Variants in LGSN observed in about 807,000 individuals in gnomAD.
LGSN encodes the protein lengsin, lens protein with glutamine synthetase domain.
In LGSN, 21 loss-of-function variants were observed where a neutral mutation model predicts 19.5. The observed-to-expected ratio is 1.07, with a 90% CI of 0.76 to 1.55. The LOEUF is 1.55. Among genes scored for constraint, LGSN ranks in the 40% most tolerant of loss-of-function variants. The pLI is 0.00. For synonymous variants in LGSN, 257 were observed against 215.6 expected (o/e 1.19, Z -1.68); for missense variants, 673 against 608.5 (o/e 1.11, Z -1.12).
At chr6:63,322,246 T>C (rs1267501010), upstream of LGSN, among the ~76,000 whole-genome samples, 1 of 152,210 alleles carries the variant, frequency 6.6e-6, no homozygotes, top group African/African-American at 2.4e-5. Flanking sequence ...TGTTTACATA[T>C]ATTATATGTT....
the LGSN span, among the ~76,000 whole-genome samples, chr6:63,476,412 G>A: frequency 6.6e-6 from 1 of 152,322 alleles, no homozygotes; most frequent in Middle Eastern, 3.4e-3. Context: ...CTTACAATGT[G>A]AGGTGTTAGT....
chr6:63,378,558 T>C, the LGSN span, among the ~76,000 whole-genome samples: 1 of 152,224 alleles, frequency 6.6e-6, no homozygotes, highest in South Asian at 2.1e-4. Context: ...CTGCAGACTG[T>C]ACAGGAAGCA....
the LGSN span, among the ~76,000 whole-genome samples, chr6:63,422,238 A>G: frequency 6.6e-6 from 1 of 152,014 alleles, no homozygotes; most frequent in South Asian, 2.1e-4. Context: ...TAATTTTTGT[A>G]TTTTTAGTAG....
the LGSN span, among the ~76,000 whole-genome samples, chr6:63,459,610 G>C: frequency 6.8e-6 from 1 of 146,864 alleles, no homozygotes; most frequent in African/African-American, 2.5e-5. Flanking sequence ...TATGTATATT[G>C]CCCATGTTTT....
At chr6:63,526,743 G>T in the LGSN span, among the ~76,000 whole-genome samples, 1 of 148,592 alleles carries the variant, frequency 6.7e-6, no homozygotes, top group Non-Finnish European at 1.5e-5. Context: ...AGGCTGCAGT[G>T]AGTCGAGATC....
chr6:63,313,327 C>CA (rs1768705710), intron 1 of LGSN, among the ~76,000 whole-genome samples: 1 of 151,952 alleles, frequency 6.6e-6, no homozygotes, highest in Admixed American at 6.6e-5. Flanking sequence ...AGCATGTGAG[C>CA]AGCAGCTAGA....
chr6:63,414,917 A>AT, the LGSN span, among the ~76,000 whole-genome samples: 237 of 152,346 alleles, frequency 1.6e-3, 1 homozygote, highest in African/African-American at 5.2e-3. Flanking sequence ...GCCCTTTAAA[A>AT]AAAATTAAAT....
At chr6:63,292,585 C>G (rs1281464913) in intron 2 of LGSN, among the ~76,000 whole-genome samples, 1 of 152,124 alleles carries the variant, frequency 6.6e-6, no homozygotes, top group Non-Finnish European at 1.5e-5. Context: ...CAGCCAAATG[C>G]CCAGTTAACC....
chr6:63,331,448 G>A, the LGSN span, among the ~76,000 whole-genome samples: 3 of 152,132 alleles, frequency 2.0e-5, no homozygotes, highest in African/African-American at 7.2e-5. Context: ...AGGGTTTGTG[G>A]GTCAAATTGG....
chr6:63,323,215 A>G (rs1235900675), upstream of LGSN, among the ~76,000 whole-genome samples: 1 of 152,174 alleles, frequency 6.6e-6, no homozygotes, highest in Non-Finnish European at 1.5e-5. Flanking sequence ...AGCCCAAGCT[A>G]TTTTTAGAAG....
chr6:63,295,390 A>G (rs1767945380), intron 1 of LGSN, among the ~76,000 whole-genome samples: 1 of 152,142 alleles, frequency 6.6e-6, no homozygotes, highest in African/African-American at 2.4e-5. Context: ...ACCTATTTTA[A>G]CTAAAAAGTT....
At chr6:63,291,176 C>G (rs1424713001) in intron 2 of LGSN, among the ~76,000 whole-genome samples, 1 of 152,170 alleles carries the variant, frequency 6.6e-6, no homozygotes, top group Non-Finnish European at 1.5e-5. Context: ...AAGGTGAGCG[C>G]TTTTGGGTTG....
At chr6:63,389,524 C>A in the LGSN span, among the ~76,000 whole-genome samples, 1 of 152,144 alleles carries the variant, frequency 6.6e-6, no homozygotes, top group African/African-American at 2.4e-5. Flanking sequence ...AAGAAGAGAA[C>A]AAAAGAGAAA....
At chr6:63,303,046 T>G (rs1379032222) in intron 1 of LGSN, among the ~76,000 whole-genome samples, 11 of 152,192 alleles carry the variant, frequency 7.2e-5, no homozygotes, top group Admixed American at 7.2e-4. Context: ...GAGAATCGCT[T>G]GAACCCAGGA....
At chr6:63,492,385 A>G in the LGSN span, among the ~76,000 whole-genome samples, 1 of 152,258 alleles carries the variant, frequency 6.6e-6, no homozygotes, top group Non-Finnish European at 1.5e-5. Flanking sequence ...TCCACAAAAT[A>G]GGACATGTTG....
chr6:63,529,666 G>A, the LGSN span, among the ~76,000 whole-genome samples: 40 of 152,290 alleles, frequency 2.6e-4, no homozygotes, highest in African/African-American at 9.6e-4. Flanking sequence ...TGCATAAAAT[G>A]AAAGTTAGAA....
the LGSN span, among the ~76,000 whole-genome samples, chr6:63,500,064 A>T: frequency 1.8e-4 from 28 of 152,248 alleles, no homozygotes; most frequent in South Asian, 2.7e-3. Context: ...CACTGCTGTT[A>T]TCATCCCCTC....
chr6:63,368,781 C>T, the LGSN span, among the ~76,000 whole-genome samples: 6 of 152,202 alleles, frequency 3.9e-5, no homozygotes, highest in South Asian at 2.1e-4. Context: ...CTGTTATGTC[C>T]TCTGGAGTAA....
chr6:63,306,880 T>C (rs1175992622), intron 1 of LGSN, among the ~76,000 whole-genome samples: 2 of 152,228 alleles, frequency 1.3e-5, no homozygotes, highest in Admixed American at 1.3e-4. Flanking sequence ...TTATTTGAAA[T>C]TTCATGATTG....
Sources: gnomAD v4.1 joint callset for allele counts (sites outside exome capture counted in the v4.1 genomes callset) on GRCh38, gnomAD v4.1.1 for gene constraint, MANE v1.5 for transcripts, NCBI Gene and HGNC (gene_info 2026-07-23, HGNC 2026-07-21) for gene names.